Variants in ZBTB40 observed in about 807,000 individuals in gnomAD.
ZBTB40 encodes the protein zinc finger and BTB domain containing 40.
A neutral mutation model predicts 117.5 loss-of-function variants in ZBTB40; 60 were observed. That is an observed-to-expected ratio of 0.51 (90% confidence interval 0.41 to 0.63). The LOEUF is 0.63. Ranked by LOEUF, ZBTB40 falls within the 30% of genes least tolerant of loss-of-function variation. The pLI is 0.00. For synonymous variants in ZBTB40, 525 were observed against 577.1 expected, an observed-to-expected ratio of 0.91 and a Z score of 1.29; for missense variants, 1,287 against 1,498.5, an observed-to-expected ratio of 0.86 and a Z score of 2.33.
At chr1:22,511,532 G>A in intron 10 of ZBTB40, 144 bp from the exon 11 acceptor site, 1 of 1,241,008 alleles carries the variant, frequency 8.1e-7, no homozygotes, top group Non-Finnish European at 1.1e-6. Flanking sequence ...TTATTGGAAA[G>A]TAAGGAGGAC....
At position 22,512,993 on chromosome 1, in the gene ZBTB40, A is replaced by C. The variant is rs748113940; in HGVS notation, c.2531A>C (p.Lys844Thr). The change falls in exon 12 of 18, where the codon AAG (lysine) becomes ACG (threonine). Residue 844 changes from lysine to threonine, a missense_variant. Coordinates refer to ENST00000375647, the MANE Select transcript of ZBTB40 (RefSeq NM_014870.4). ...TTCTCCTGTGAAGAGTGTGGGGCGA[A>C]GTTTGCAGCCAATTCCACCCTGAAG... The part of the protein sequence containing the change: ...KPFSCEECGA[K>T]FAANSTLKNH... 3 of 1,614,054 alleles carry C rather than the reference A, an allele frequency of 1.9e-6. No individual in the cohort carries two copies. The African/African-American group carries it at 4.0e-5, about 22-fold the overall frequency.
intron 1 of ZBTB40, among the ~76,000 whole-genome samples, chr1:22,453,983 T>A (rs1416299911): frequency 1.3e-5 from 2 of 152,216 alleles, no homozygotes; most frequent in African/African-American, 4.8e-5. Flanking sequence ...AGAGTCTCGC[T>A]GTGTTGCCCA....
chr1:22,446,159 A>C (rs1640786469), intron 1 of ZBTB40, among the ~76,000 whole-genome samples: 1 of 151,924 alleles, frequency 6.6e-6, no homozygotes, highest in Non-Finnish European at 1.5e-5. Flanking sequence ...ATTATAATGC[A>C]CTGAACATGG....
At chr1:22,460,227 G>T (rs575912088) in intron 1 of ZBTB40, among the ~76,000 whole-genome samples, 1 of 152,302 alleles carries the variant, frequency 6.6e-6, no homozygotes, top group East Asian at 1.9e-4. Flanking sequence ...GAGAATGAAG[G>T]TGGGTGAAAG....
At chr1:22,459,177 T>C (rs1641075534) in intron 1 of ZBTB40, among the ~76,000 whole-genome samples, 2 of 152,242 alleles carry the variant, frequency 1.3e-5, no homozygotes, top group South Asian at 2.1e-4. Flanking sequence ...TATATTGTTT[T>C]ATTTCTATCC....
chr1:22,509,385 C>A, intron 9 of ZBTB40, 152 bp downstream of exon 9: 1 of 1,197,572 alleles, frequency 8.4e-7, no homozygotes, highest in Non-Finnish European at 1.2e-6. Flanking sequence ...CTTGCTCTGT[C>A]GCCCAGGCTG....
At chr1:22,521,464 C>G in intron 14 of ZBTB40, 32 bp from the exon 15 acceptor site, 1 of 1,614,194 alleles carries the variant, frequency 6.2e-7, no homozygotes, top group Admixed American at 1.7e-5. Context: ...CTGGAACTTT[C>G]TAAGACCTAA....
chr1:22,474,412 C>CT (rs1641506226), intron 1 of ZBTB40, among the ~76,000 whole-genome samples: 1 of 152,220 alleles, frequency 6.6e-6, no homozygotes, highest in Admixed American at 6.5e-5. Flanking sequence ...ATTACAGCAG[C>CT]TTTTGAACTT....
rs1049440821 is a variant in ZBTB40 at position 22,481,669 on chromosome 1, C to T, written c.-69-8211C>T. Among the ~76,000 whole-genome samples, 9 of 150,450 alleles carry T rather than the reference C, an allele frequency of 6.0e-5. No homozygotes were observed. In the East Asian group the frequency reaches 1.4e-3, roughly 23 times the overall value. ...CAACCTTTTAAGTTTGAGTCTATCC[C>T]GAAAATATAATTCCAGTCACTTGTT... On this transcript the variant is annotated intron_variant, in intron 1 of 17. Transcript: ENST00000375647.
In ZBTB40 at chr1:22,454,244, C is replaced by T. The variant is rs1640953369; in HGVS notation, c.-70+2240C>T. Among the ~76,000 whole-genome samples the T allele has an allele frequency of 3.9e-5, 6 of 152,186 alleles. No individual in the cohort carries two copies. In the South Asian group the frequency reaches 1.0e-3, roughly 26 times the overall value. ...CTGGGATTATAGGCGTGAGCCATCG[C>T]GCCCGGCCTCGAACAAATATTTTAG... is the stretch of plus-strand genomic sequence containing the variant. On this transcript the variant is annotated intron_variant, in intron 1 of 17. Coordinates refer to ENST00000375647, the MANE Select transcript of ZBTB40 (RefSeq NM_014870.4).
In ZBTB40 at chr1:22,460,236, A is replaced by G. The variant is rs1271734711; in HGVS notation, c.-70+8232A>G. Among the ~76,000 whole-genome samples the G allele has an allele frequency of 5.3e-5, 8 of 152,174 alleles. No homozygotes were observed. The East Asian group carries it at 1.5e-3, about 29-fold the overall frequency. On this transcript the variant is annotated intron_variant, in intron 1 of 17. Coordinates refer to ENST00000375647, the MANE Select transcript of ZBTB40 (RefSeq NM_014870.4). ...TGAGGGGAGAATGAAGGTGGGTGAA[A>G]GAGTGAGAGCCCGTTAGACTCTATT...
chr1:22,522,514 C>T, intron 16 of ZBTB40, 51 bp downstream of exon 16: 3 of 1,557,026 alleles, frequency 1.9e-6, no homozygotes, highest in Non-Finnish European at 2.7e-6. Context: ...GCCTGAATCT[C>T]CCCTCCACCA....
At chr1:22,525,321 C>T (rs1639647892) in intron 17 of ZBTB40, among the ~76,000 whole-genome samples, 1 of 152,212 alleles carries the variant, frequency 6.6e-6, no homozygotes, top group African/African-American at 2.4e-5. Context: ...AAACTACTAT[C>T]CTGGATCATT....
chr1:22,452,422 T>A (rs755902060), intron 1 of ZBTB40, among the ~76,000 whole-genome samples: 1 of 152,232 alleles, frequency 6.6e-6, no homozygotes, highest in African/African-American at 2.4e-5. Context: ...CCCCTCTCGG[T>A]CTTTGTTTAC....
intron 3 of ZBTB40, among the ~76,000 whole-genome samples, chr1:22,496,458 G>T (rs11810630): frequency 0.028 from 4,223 of 152,176 alleles, 210 homozygotes; most frequent in African/African-American, 0.094. Flanking sequence ...AGTTGTAGGG[G>T]GACGCTGTAA....
In ZBTB40 at chr1:22,526,555, G is replaced by T; in HGVS notation, c.*159G>T. On this transcript the variant is annotated 3_prime_UTR_variant, in exon 18 of 18. Transcript: ENST00000375647. Reference sequence around the variant, plus strand: ...CTAGAAAACAGATGGAAGCTTCGTTGTTCTCATAGAACCAACAGCATCTGA... The same window carrying T: ...CTAGAAAACAGATGGAAGCTTCGTTTTTCTCATAGAACCAACAGCATCTGA... 2 of 936,746 alleles carry T rather than the reference G, an allele frequency of 2.1e-6. No homozygotes were observed. The highest frequency in any genetic ancestry group is 4.1e-5 in the Admixed American group (2 of 49,094). 58.0% of individuals were successfully genotyped at this position (936,746 alleles called of 1,614,324 possible).
intron 13 of ZBTB40, 109 bp downstream of exon 13, chr1:22,517,573 A>C: frequency 1.5e-6 from 2 of 1,355,418 alleles, no homozygotes; most frequent in Middle Eastern, 4.1e-4. Context: ...CATTCAGTGC[A>C]TTCCCCTTAC....
intron 3 of ZBTB40, among the ~76,000 whole-genome samples, chr1:22,492,580 G>A (rs748864124): frequency 6.6e-5 from 10 of 152,152 alleles, no homozygotes; most frequent in Admixed American, 3.3e-4. Flanking sequence ...CTCCCATGTT[G>A]CTATAGGCAA....
In ZBTB40 at chr1:22,517,546, C is replaced by A. The variant is rs951807605; in HGVS notation, c.2833+82C>A. ...TGTCAATTGCAGCAGAGGTGTCAAT[C>A]CATCAGACCCAAGCTCCATTCAGTG... On this transcript the variant is annotated intron_variant, in intron 13 of 17. Coordinates refer to ENST00000375647, the MANE Select transcript of ZBTB40 (RefSeq NM_014870.4). The A allele has an allele frequency of 2.6e-6, 4 of 1,515,942 alleles. No individual in the cohort carries two copies. The African/African-American group carries it at 5.5e-5, about 21-fold the overall frequency. The allele number at this position is 1,515,942 out of a possible 1,614,324, so 93.9% of individuals were successfully genotyped here. A position where few individuals can be genotyped will look rare whatever the true frequency, so the allele number is the denominator to read the frequency against.
Sources: gnomAD v4.1 joint callset for allele counts (sites outside exome capture counted in the v4.1 genomes callset) on GRCh38, gnomAD v4.1.1 for gene constraint, MANE v1.5 for transcripts, NCBI Gene and HGNC (gene_info 2026-07-23, HGNC 2026-07-21) for gene names.